The following PCDH15 variants were observed in gnomAD, a reference collection of about 807,000 sequenced individuals.
PCDH15 encodes the protein protocadherin-15.
In PCDH15, 129 loss-of-function variants were observed where a neutral mutation model predicts 178.5. That is an observed-to-expected ratio of 0.72 (90% CI 0.63 to 0.84). The LOEUF is 0.84. Ranked by LOEUF, PCDH15 falls within the 40% of genes least tolerant of loss-of-function variation. The pLI is 0.00. For synonymous variants in PCDH15, 800 were observed against 732.0 expected (o/e 1.09, Z -1.50); for missense variants, 2,230 against 2,099.9 (o/e 1.06, Z -1.21).
chr10:54,235,425 G>T (rs1358008526), intron 9 of PCDH15, among the ~76,000 whole-genome samples: 1 of 152,104 alleles, frequency 6.6e-6, no homozygotes, highest in South Asian at 2.1e-4. Context: ...CATCCAACTG[G>T]CTCTGAGTAT....
intron 2 of PCDH15, among the ~76,000 whole-genome samples, chr10:55,429,013 C>G (rs1363848528): frequency 1.3e-5 from 2 of 151,974 alleles, no homozygotes; most frequent in African/African-American, 2.4e-5. Flanking sequence ...TTTCTCCTCT[C>G]CAGGCTTTGT....
chr10:54,449,842 G>T (rs141143303), intron 3 of PCDH15, among the ~76,000 whole-genome samples: 2 of 151,804 alleles, frequency 1.3e-5, no homozygotes, highest in East Asian at 3.9e-4. Context: ...GGGATGGGAG[G>T]TAGGGCGGCA....
intron 17 of PCDH15, among the ~76,000 whole-genome samples, chr10:54,076,053 T>C (rs2094336906): frequency 6.6e-6 from 1 of 152,174 alleles, no homozygotes; most frequent in African/African-American, 2.4e-5. Flanking sequence ...TGGGAGAGTA[T>C]TAACATTTTA....
intron 2 of PCDH15, among the ~76,000 whole-genome samples, chr10:55,607,929 C>CAG (rs758262078): frequency 6.6e-6 from 1 of 150,540 alleles, no homozygotes; most frequent in South Asian, 2.1e-4. Context: ...CACACAGAGA[C>CAG]AGAGAGAGAG....
At chr10:54,721,010 T>A (rs1269522684) in intron 1 of PCDH15, among the ~76,000 whole-genome samples, 1 of 151,996 alleles carries the variant, frequency 6.6e-6, no homozygotes, top group East Asian at 1.9e-4. Flanking sequence ...TCTCCATAAT[T>A]TTTTAACAAT....
chr10:55,339,617 A>G (rs1844495387), intron 2 of PCDH15, among the ~76,000 whole-genome samples: 1 of 152,132 alleles, frequency 6.6e-6, no homozygotes, highest in Non-Finnish European at 1.5e-5. Flanking sequence ...GAAAAATAAC[A>G]TTGAGAAATT....
chr10:54,262,985 C>T (rs4483500), intron 8 of PCDH15, among the ~76,000 whole-genome samples: 1 of 143,208 alleles, frequency 7.0e-6, no homozygotes, highest in Non-Finnish European at 1.5e-5. Flanking sequence ...GCTGCAAGCT[C>T]CATACTGGTG....
At chr10:54,594,818 G>A (rs755005516) in intron 2 of PCDH15, among the ~76,000 whole-genome samples, 2 of 152,082 alleles carry the variant, frequency 1.3e-5, no homozygotes, top group Non-Finnish European at 2.9e-5. Flanking sequence ...AGCATTGGAG[G>A]GCATATAGTT....
chr10:54,582,667 C>T (rs1006856472), intron 2 of PCDH15, among the ~76,000 whole-genome samples: 1 of 152,048 alleles, frequency 6.6e-6, no homozygotes, highest in Admixed American at 6.6e-5. Context: ...AATCACAACA[C>T]TTTGGGAGGC....
intron 1 of PCDH15, among the ~76,000 whole-genome samples, chr10:54,742,517 T>G (rs562698745): frequency 3.4e-4 from 52 of 152,038 alleles, no homozygotes; most frequent in African/African-American, 1.2e-3. Flanking sequence ...GATCGTTGAA[T>G]GTTGAAGACC....
intron 1 of PCDH15, among the ~76,000 whole-genome samples, chr10:54,791,489 TC>T (rs1951405591): frequency 6.6e-6 from 1 of 151,932 alleles, no homozygotes; most frequent in Non-Finnish European, 1.5e-5. Context: ...ACAGACCTTT[TC>T]TTTTCTTAAA....
chr10:54,442,811 G>T (rs192977529), intron 3 of PCDH15, among the ~76,000 whole-genome samples: 5 of 151,508 alleles, frequency 3.3e-5, no homozygotes, highest in Admixed American at 2.0e-4. Context: ...AGCCCAGTGT[G>T]TTGGCTTTCA....
intron 2 of PCDH15, among the ~76,000 whole-genome samples, chr10:55,398,385 A>G (rs756846320): frequency 9.9e-5 from 15 of 152,188 alleles, no homozygotes; most frequent in Admixed American, 2.0e-4. Flanking sequence ...GCACTTTGGT[A>G]TTTTTCTGAT....
chr10:54,437,627 G>A (rs1001392422), intron 3 of PCDH15, among the ~76,000 whole-genome samples: 4 of 152,096 alleles, frequency 2.6e-5, no homozygotes, highest in Non-Finnish European at 4.4e-5. Context: ...TAGCAAAAGT[G>A]CCTCTATTGT....
chr10:55,284,696 TCTTTTGC>T (rs1592048496), intron 1 of PCDH15, among the ~76,000 whole-genome samples: 2 of 152,200 alleles, frequency 1.3e-5, no homozygotes, highest in East Asian at 3.9e-4. Flanking sequence ...CTCTAACCTG[TCTTTTGC>T]CTTTGGACTT....
At chr10:53,957,155 A>T (rs1011839560) in intron 23 of PCDH15, among the ~76,000 whole-genome samples, 10 of 152,300 alleles carry the variant, frequency 6.6e-5, no homozygotes, top group South Asian at 6.2e-4. Context: ...AAGTTTAAGC[A>T]ATATATCACT....
intron 2 of PCDH15, among the ~76,000 whole-genome samples, chr10:55,610,023 G>A (rs1843332503): frequency 6.6e-6 from 1 of 152,082 alleles, no homozygotes; most frequent in South Asian, 2.1e-4. Context: ...AAACCTTGTG[G>A]ATTTTATACT....
intron 9 of PCDH15, among the ~76,000 whole-genome samples, chr10:54,229,546 T>C (rs978129109): frequency 6.6e-6 from 1 of 152,154 alleles, no homozygotes; most frequent in Non-Finnish European, 1.5e-5. Flanking sequence ...AGGAAGCTTG[T>C]GGGAGGTAAT....
chr10:53,987,689 A>C (rs1174766521), intron 21 of PCDH15, among the ~76,000 whole-genome samples: 3 of 152,186 alleles, frequency 2.0e-5, no homozygotes, highest in Non-Finnish European at 4.4e-5. Context: ...AGGAGACCAG[A>C]GGCCAATTTA....
Sources: gnomAD v4.1 joint callset for allele counts (sites outside exome capture counted in the v4.1 genomes callset) on GRCh38, gnomAD v4.1.1 for gene constraint, MANE v1.5 for transcripts, NCBI Gene and HGNC (gene_info 2026-07-23, HGNC 2026-07-21) for gene names.